TPH2: variants seen among roughly 807,000 people sequenced by gnomAD.
TPH2 encodes the protein tryptophan 5-hydroxylase 2.
TPH2 carries 27 observed loss-of-function variants against 59.1 expected under a neutral mutation model. The observed-to-expected ratio is 0.46, with a 90% CI of 0.34 to 0.63. The LOEUF (loss-of-function observed/expected upper bound fraction) is 0.63. Ranked by LOEUF, TPH2 falls within the 30% of genes least tolerant of loss-of-function variation. The pLI is 0.01. For synonymous variants in TPH2, 220 were observed against 210.5 expected, an observed-to-expected ratio of 1.05 and a Z score of -0.39; for missense variants, 523 against 588.3, an observed-to-expected ratio of 0.89 and a Z score of 1.15.
intron 8 of TPH2, among the ~76,000 whole-genome samples, chr12:72,004,272 C>T (rs1872895951): frequency 6.6e-6 from 1 of 150,444 alleles, no homozygotes. Flanking sequence ...CTTTTTGTCT[C>T]AAATGTCATC....
At chr12:71,978,524 A>T (rs1235080357) in intron 6 of TPH2, among the ~76,000 whole-genome samples, 7 of 152,228 alleles carry the variant, frequency 4.6e-5, no homozygotes. Context: ...TGATTTGAAG[A>T]TGCTAGTGAA....
At chr12:71,952,623 CT>C (rs750586421) in intron 5 of TPH2, among the ~76,000 whole-genome samples, 8 of 152,132 alleles carry the variant, frequency 5.3e-5, no homozygotes, top group Non-Finnish European at 1.0e-4. Flanking sequence ...GCCCTCTCCC[CT>C]GGATGGTGCT....
chr12:71,980,331 A>G (rs781558292), intron 7 of TPH2, among the ~76,000 whole-genome samples: 8 of 152,064 alleles, frequency 5.3e-5, no homozygotes, highest in Non-Finnish European at 1.2e-4. Flanking sequence ...CTTGTGGTTA[A>G]TGGGTTGCCA....
intron 8 of TPH2, among the ~76,000 whole-genome samples, chr12:72,006,985 C>T (rs1479393131): frequency 6.6e-6 from 1 of 152,082 alleles, no homozygotes; most frequent in Non-Finnish European, 1.5e-5. Flanking sequence ...TATCAGAAAG[C>T]ACTCATGTCC....
chr12:71,985,656 C>A (rs1351464615), intron 7 of TPH2, among the ~76,000 whole-genome samples: 1 of 152,154 alleles, frequency 6.6e-6, no homozygotes, highest in Non-Finnish European at 1.5e-5. Context: ...CTCGGCCTCC[C>A]AAAGTGCTGG....
intron 2 of TPH2, among the ~76,000 whole-genome samples, chr12:71,943,889 G>A (rs1261275986): frequency 2.6e-5 from 4 of 151,924 alleles, no homozygotes; most frequent in Non-Finnish European, 5.9e-5. Flanking sequence ...CTTTATATTA[G>A]GGGTTTGAGT....
Position 71,941,613 on chromosome 12 carries a change from C to A in TPH2, c.135C>A (p.Asp45Glu), listed in dbSNP as rs74510566. The A allele has an allele frequency of 4.3e-6, 7 of 1,613,802 alleles. No homozygotes were observed. The East Asian group carries it at 1.3e-4, about 31-fold the overall frequency. The change falls in exon 2 of 11, where the codon GAC (aspartate) becomes GAA (glutamate). Residue 45 changes from aspartate to glutamate, a missense_variant. Coordinates refer to ENST00000333850, the MANE Select transcript of TPH2 (RefSeq NM_173353.4). ...TLNKPNSGKNDDKGNKGSSKR... is the reference protein window; with the variant it reads ...TLNKPNSGKNEDKGNKGSSKR... ...ATAAACCTAACTCTGGCAAAAATGA[C>A]GACAAAGGCAACAAGGGAAGCAGCA...
At chr12:72,003,842 ATCTT>A (rs1872884064) in intron 8 of TPH2, among the ~76,000 whole-genome samples, 1 of 152,182 alleles carries the variant, frequency 6.6e-6, no homozygotes, top group South Asian at 2.1e-4. Flanking sequence ...TGCAACTCAA[ATCTT>A]TCTTTGTTAT....
intron 6 of TPH2, among the ~76,000 whole-genome samples, chr12:71,977,296 A>T (rs1310130698): frequency 6.6e-6 from 1 of 152,126 alleles, no homozygotes; most frequent in Non-Finnish European, 1.5e-5. Context: ...GCTTCAAACC[A>T]TCCACCCACC....
At chr12:71,956,394 TTCCCTCCCTCCCTCTCCTTCCCTCTC>T (rs1206358448) in intron 5 of TPH2, among the ~76,000 whole-genome samples, 3 of 151,548 alleles carry the variant, frequency 2.0e-5, no homozygotes, top group African/African-American at 4.8e-5. Flanking sequence ...ATTTAACTTG[TTCCCTCCCTCCCTCTCCTTCCCTCTC>T]TCCCTCCCTC....
chr12:72,023,402 GTTTTATTGAGTCTGGTCA>G, intron 9 of TPH2, among the ~76,000 whole-genome samples: 1 of 152,052 alleles, frequency 6.6e-6, no homozygotes, highest in African/African-American at 2.4e-5. Context: ...AGTAATTGTA[GTTTTATTGAGTCTGGTCA>G]TTTTATGACT....
chr12:72,018,143 C>T (rs1442050798), intron 8 of TPH2, among the ~76,000 whole-genome samples: 1 of 152,200 alleles, frequency 6.6e-6, no homozygotes, highest in Non-Finnish European at 1.5e-5. Context: ...ATTTAGGGAC[C>T]TTCCTTGGTT....
intron 6 of TPH2, among the ~76,000 whole-genome samples, chr12:71,975,698 C>T (rs759225819): frequency 1.3e-5 from 2 of 152,194 alleles, no homozygotes; most frequent in Admixed American, 6.5e-5. Flanking sequence ...TAGAAGCCAC[C>T]ATGATCTCTC....
In TPH2 at chr12:71,994,204, G is replaced by T. The variant is rs558796788; in HGVS notation, c.942-235G>T. The stretch of plus-strand genomic sequence containing the variant: ...GGTATATAGTAAGAGCTTGAAAATA[G>T]TAGTTGCTTTTATGTTATTAAAACA... On this transcript the variant is annotated intron_variant, in intron 7 of 10. Coordinates refer to ENST00000333850, the MANE Select transcript of TPH2 (RefSeq NM_173353.4). Among the ~76,000 whole-genome samples, 37 of 152,316 alleles carry T rather than the reference G, an allele frequency of 2.4e-4. No homozygotes were observed. In the South Asian group the frequency reaches 4.3e-3, roughly 18 times the overall value.
intron 8 of TPH2, among the ~76,000 whole-genome samples, chr12:71,996,477 GT>G (rs1429358282): frequency 2.0e-5 from 3 of 152,200 alleles, no homozygotes; most frequent in African/African-American, 7.2e-5. Context: ...TGAAACCTTG[GT>G]TCTGGTTTTA....
chr12:71,976,339 C>T (rs932133580), intron 6 of TPH2, among the ~76,000 whole-genome samples: 4 of 152,166 alleles, frequency 2.6e-5, no homozygotes, highest in Non-Finnish European at 5.9e-5. Flanking sequence ...GTTTGTATCA[C>T]GCACTGGCAT....
At chr12:71,980,483 G>A (rs1872244047) in intron 7 of TPH2, among the ~76,000 whole-genome samples, 2 of 152,066 alleles carry the variant, frequency 1.3e-5, no homozygotes, top group Admixed American at 1.3e-4. Flanking sequence ...GTCCAGGTAG[G>A]TCCCTGTCAG....
intron 9 of TPH2, among the ~76,000 whole-genome samples, chr12:72,028,163 C>T (rs139359640): frequency 2.0e-3 from 299 of 152,280 alleles, no homozygotes; most frequent in African/African-American, 6.8e-3. Context: ...AAAAGATTGT[C>T]AACCAGATTC....
chr12:72,020,203 G>T (rs1458945400), intron 8 of TPH2, among the ~76,000 whole-genome samples: 2 of 152,174 alleles, frequency 1.3e-5, no homozygotes, highest in Non-Finnish European at 2.9e-5. Context: ...TAGAGATGCT[G>T]CTAAACATCC....
Sources: allele counts gnomAD v4.1 joint callset (sites outside exome capture counted in the v4.1 genomes callset), GRCh38; gene constraint gnomAD v4.1.1; transcripts MANE v1.5; gene names NCBI Gene and HGNC (gene_info 2026-07-23, HGNC 2026-07-21).